PTPRD: variants seen among roughly 807,000 people sequenced by gnomAD.
The protein encoded by PTPRD is protein tyrosine phosphatase receptor type D.
A neutral mutation model predicts 214.5 loss-of-function variants in PTPRD; 34 were observed. The observed-to-expected ratio is 0.16, with a 90% confidence interval of 0.12 to 0.21. The LOEUF is 0.21. PTPRD is among the 10% of genes least tolerant of loss of function. The probability of loss-of-function intolerance (pLI) is 1.00; values close to 1 mark genes in which losing one functional copy is unlikely to be tolerated. For missense variants in PTPRD, 2,545 were observed against 2,398.7 expected (o/e 1.06, Z -1.27); for synonymous variants, 1,128 against 845.7 (o/e 1.33, Z -5.79).
chr9:10,506,822 T>C (rs1205728320), intron 2 of PTPRD, among the ~76,000 whole-genome samples: 1 of 152,110 alleles, frequency 6.6e-6, no homozygotes, highest in African/African-American at 2.4e-5. Flanking sequence ...GTTTGCGTGA[T>C]ATTTCCTTAT....
intron 9 of PTPRD, among the ~76,000 whole-genome samples, chr9:9,341,918 C>G (rs1443227704): frequency 6.6e-6 from 1 of 152,130 alleles, no homozygotes; most frequent in Non-Finnish European, 1.5e-5. Context: ...AAGTGATTCT[C>G]CTGCCTCAGC....
intron 7 of PTPRD, among the ~76,000 whole-genome samples, chr9:9,703,661 T>A (rs1038438712): frequency 6.6e-6 from 1 of 152,164 alleles, no homozygotes; most frequent in African/African-American, 2.4e-5. Context: ...GTTGATTTGT[T>A]CTGTACAGTT....
intron 9 of PTPRD, among the ~76,000 whole-genome samples, chr9:9,336,140 T>C (rs2044370267): frequency 6.6e-6 from 1 of 152,100 alleles, no homozygotes; most frequent in South Asian, 2.1e-4. Context: ...GATATAAGCT[T>C]TGTAACCGCC....
chr9:8,527,676 T>C (rs898695258), intron 15 of PTPRD, among the ~76,000 whole-genome samples: 3 of 152,146 alleles, frequency 2.0e-5, no homozygotes, highest in African/African-American at 7.2e-5. Flanking sequence ...TATTATTATA[T>C]ATCCCTGTGA....
intron 10 of PTPRD, among the ~76,000 whole-genome samples, chr9:9,036,705 C>G (rs974005165): frequency 2.0e-5 from 3 of 152,112 alleles, no homozygotes; most frequent in Non-Finnish European, 4.4e-5. Context: ...TATTGTTTAT[C>G]TTTACATCCA....
intron 2 of PTPRD, among the ~76,000 whole-genome samples, chr9:10,409,080 T>C (rs1049781449): frequency 6.6e-6 from 1 of 151,082 alleles, no homozygotes; most frequent in African/African-American, 2.4e-5. Flanking sequence ...CTACAAAGGG[T>C]TTCACATTTT....
chr9:9,690,256 T>C (rs2154403188), intron 7 of PTPRD, among the ~76,000 whole-genome samples: 1 of 152,080 alleles, frequency 6.6e-6, no homozygotes, highest in Middle Eastern at 3.4e-3. Flanking sequence ...GATCACCTTT[T>C]TATATACCTG....
chr9:9,712,031 AGATCTCGCACC>A (rs2154425069), intron 7 of PTPRD, among the ~76,000 whole-genome samples: 1 of 151,452 alleles, frequency 6.6e-6, no homozygotes, highest in African/African-American at 2.4e-5. Flanking sequence ...TAGCATTGTG[AGATCTCGCACC>A]GACTTAGCAA....
intron 5 of PTPRD, among the ~76,000 whole-genome samples, chr9:9,775,891 G>A (rs1190653753): frequency 7.2e-6 from 1 of 139,640 alleles, no homozygotes; most frequent in African/African-American, 2.7e-5. Context: ...GGGAGGCGGA[G>A]CTTGCAGTGA....
At chr9:9,653,677 G>A (rs1299913825) in intron 7 of PTPRD, among the ~76,000 whole-genome samples, 1 of 152,040 alleles carries the variant, frequency 6.6e-6, no homozygotes, top group Non-Finnish European at 1.5e-5. Flanking sequence ...TATAAGCTTT[G>A]AAATTGTTTG....
intron 12 of PTPRD, among the ~76,000 whole-genome samples, chr9:8,665,013 A>G (rs1381444400): frequency 3.9e-5 from 6 of 152,214 alleles, no homozygotes; most frequent in Admixed American, 6.5e-5. Flanking sequence ...TTAGCAGAAC[A>G]CTAAAATCTA....
intron 39 of PTPRD, among the ~76,000 whole-genome samples, chr9:8,363,445 G>C (rs532735383): frequency 9.9e-5 from 15 of 152,206 alleles, no homozygotes; most frequent in African/African-American, 3.6e-4. Flanking sequence ...AGAGGAAAAA[G>C]CAAATCAACC....
intron 11 of PTPRD, among the ~76,000 whole-genome samples, chr9:8,996,598 G>A (rs1325971650): frequency 6.6e-6 from 1 of 151,976 alleles, no homozygotes; most frequent in East Asian, 1.9e-4. Flanking sequence ...CAGTAAGGAT[G>A]GGAAGTCCAA....
intron 2 of PTPRD, among the ~76,000 whole-genome samples, chr9:10,446,197 A>T (rs1327852209): frequency 6.6e-6 from 1 of 152,046 alleles, no homozygotes; most frequent in Non-Finnish European, 1.5e-5. Context: ...AAATGAAGAA[A>T]GCTAAGGAGA....
chr9:8,807,444 C>G (rs368459544), intron 11 of PTPRD, among the ~76,000 whole-genome samples: 2 of 152,158 alleles, frequency 1.3e-5, no homozygotes, highest in East Asian at 3.8e-4. Context: ...ACTGCACCTA[C>G]CTACCCAATC....
intron 7 of PTPRD, among the ~76,000 whole-genome samples, chr9:9,584,234 G>C (rs1234959813): frequency 1.3e-5 from 2 of 151,786 alleles, no homozygotes; most frequent in Non-Finnish European, 2.9e-5. Context: ...TGCAACCTCT[G>C]TCTCCCCTTA....
intron 2 of PTPRD, among the ~76,000 whole-genome samples, chr9:10,520,343 A>C (rs1456804249): frequency 6.6e-6 from 1 of 152,148 alleles, no homozygotes; most frequent in African/African-American, 2.4e-5. Flanking sequence ...CACAAACCTA[A>C]CTCTCTTAAT....
chr9:10,472,260 G>A (rs1281285232), intron 2 of PTPRD, among the ~76,000 whole-genome samples: 2 of 152,028 alleles, frequency 1.3e-5, no homozygotes, highest in Non-Finnish European at 2.9e-5. Flanking sequence ...TCTTTTTCAA[G>A]ACTTCCTAAG....
chr9:9,400,325 A>G lies in PTPRD; in HGVS notation c.-236-2843T>C, dbSNP rs144547857. Among the ~76,000 whole-genome samples, 177 of 152,082 alleles carry G rather than the reference A, an allele frequency of 1.2e-3. 2 individuals carry two copies. The highest frequency in any genetic ancestry group is 4.2e-3 in the African/African-American group (175 of 41,516). ...AAAATTTAACTAAGATACTCTCCCC[A>G]GAGAGAAATATAAAGCAGGGAATAT... On this transcript the variant is annotated intron_variant, in intron 8 of 45. Transcript: ENST00000381196.
Sources: allele counts gnomAD v4.1 joint callset (sites outside exome capture counted in the v4.1 genomes callset), GRCh38; gene constraint gnomAD v4.1.1; transcripts MANE v1.5; gene names NCBI Gene and HGNC (gene_info 2026-07-23, HGNC 2026-07-21).